ERC1: variants seen among roughly 807,000 people sequenced by gnomAD.
The protein encoded by ERC1 is RAB6 interacting protein 2.
ERC1 carries 56 observed loss-of-function variants against 132.0 expected under a neutral mutation model. The observed-to-expected ratio is 0.42, with a 90% CI of 0.34 to 0.53. ERC1 has a LOEUF of 0.53. Among genes scored for constraint, ERC1 ranks in the 20% least tolerant of loss-of-function variants. The pLI is 0.03. For synonymous variants in ERC1, 478 were observed against 476.1 expected (o/e 1.00, Z -0.05); for missense variants, 1,202 against 1,349.9 (o/e 0.89, Z 1.72).
rs76430341 is a variant in ERC1 at position 1,172,841 on chromosome 12, G to A, written c.1738-7699G>A. Reference sequence around the variant, plus strand: ...TTTATTGTCAGGTCCTCCTTGGTCCGTCTGTCTGTAAATAAACTAGCTTCC... The same window carrying A: ...TTTATTGTCAGGTCCTCCTTGGTCCATCTGTCTGTAAATAAACTAGCTTCC... On this transcript the variant is annotated intron_variant, in intron 8 of 18. Coordinates refer to ENST00000360905, the MANE Select transcript of ERC1 (RefSeq NM_178040.4). Among the ~76,000 whole-genome samples, 25 of 152,280 alleles carry A rather than the reference G, an allele frequency of 1.6e-4. No individual in the cohort carries two copies. The East Asian group carries it at 3.7e-3, about 22-fold the overall frequency.
chr12:1,319,114 G>T (rs2081955242), intron 15 of ERC1, among the ~76,000 whole-genome samples: 1 of 152,128 alleles, frequency 6.6e-6, no homozygotes, highest in African/African-American at 2.4e-5. Context: ...CTTCTGAACT[G>T]ATGCTTGCTT....
rs56749397 is a variant in ERC1 at position 1,440,600 on chromosome 12, T to TTG, written c.3025-3895_3025-3894dup. 8.9e-3 allele frequency among the ~76,000 whole-genome samples: 453 copies of TTG among 51,144 alleles called. 14 individuals carry two copies. Among genetic ancestry groups the TTG allele is most frequent in the East Asian group, 0.014 (22 of 1,526 alleles). The allele number at this position is 51,144 out of a possible 152,430, so 33.6% of individuals were successfully genotyped here. A position where few individuals can be genotyped will look rare whatever the true frequency, so the allele number is the denominator to read the frequency against. ...TAAGCAATCCCCCTGCCTCAGCCTT[T>TTG]TGTGTGTGTGTGTGTGTGTGTGTGT... On this transcript the variant is annotated intron_variant, in intron 17 of 18. Coordinates refer to ENST00000360905, the MANE Select transcript of ERC1 (RefSeq NM_178040.4).
chr12:1,271,692 C>T (rs1320166238), intron 14 of ERC1, among the ~76,000 whole-genome samples: 5 of 152,184 alleles, frequency 3.3e-5, no homozygotes, highest in African/African-American at 7.2e-5. Flanking sequence ...GCACTGTATG[C>T]GTGCACAATT....
intron 16 of ERC1, among the ~76,000 whole-genome samples, chr12:1,393,781 A>C (rs2090195367): frequency 6.6e-6 from 1 of 151,890 alleles, no homozygotes; most frequent in East Asian, 1.9e-4. Flanking sequence ...TAATCCCAGC[A>C]CTTTGGGAGG....
chr12:1,167,335 T>A (rs867813683), intron 8 of ERC1, among the ~76,000 whole-genome samples: 1 of 152,230 alleles, frequency 6.6e-6, no homozygotes, highest in African/African-American at 2.4e-5. Context: ...TAACTTGACA[T>A]AAATTCTCTT....
At chr12:1,333,777 G>A (rs7956798) in intron 15 of ERC1, among the ~76,000 whole-genome samples, 52,844 of 151,990 alleles carry the variant, frequency 0.35, 9,527 homozygotes, top group Middle Eastern at 0.4. Context: ...ACAATAATGG[G>A]ATTGCTGGGT....
chr12:1,393,573 AGT>A (rs2090163977), intron 16 of ERC1, among the ~76,000 whole-genome samples: 1 of 148,618 alleles, frequency 6.7e-6, no homozygotes, highest in Admixed American at 6.7e-5. Context: ...TGTGATCTAA[AGT>A]TCTTTTTTTT....
chr12:1,444,962 G>T, intron 18 of ERC1: 7 of 402,260 alleles, frequency 1.7e-5, no homozygotes, highest in South Asian at 1.9e-4. Flanking sequence ...GGTGGGGAGG[G>T]GTTTCCAGAT....
At chr12:1,274,875 G>A (rs1208789264) in intron 14 of ERC1, among the ~76,000 whole-genome samples, 1 of 152,178 alleles carries the variant, frequency 6.6e-6, no homozygotes, top group Non-Finnish European at 1.5e-5. Flanking sequence ...AAGAATGGCA[G>A]GTAGTTTACT....
At chr12:1,224,853 T>C (rs145430975) in intron 12 of ERC1, among the ~76,000 whole-genome samples, 141 of 152,016 alleles carry the variant, frequency 9.3e-4, no homozygotes, top group Non-Finnish European at 1.7e-3. Flanking sequence ...TAGCCAGGCA[T>C]GGTGGCATAC....
At chr12:1,440,600 T>TTGTGTGTGTGTGTGTGTG (rs56749397) in intron 17 of ERC1, among the ~76,000 whole-genome samples, 8 of 51,160 alleles carry the variant, frequency 1.6e-4, no homozygotes, top group Admixed American at 9.7e-4. Context: ...CCTCAGCCTT[T>TTGTGTGTGTGTGTGTGTG]TGTGTGTGTG....
chr12:1,416,948 C>T (rs141461718), intron 17 of ERC1, among the ~76,000 whole-genome samples: 2 of 152,008 alleles, frequency 1.3e-5, no homozygotes, highest in East Asian at 3.8e-4. Flanking sequence ...TTTATCGTTC[C>T]CCTCCCTTCT....
intron 17 of ERC1, among the ~76,000 whole-genome samples, chr12:1,437,922 G>T (rs2092991608): frequency 6.6e-6 from 1 of 152,098 alleles, no homozygotes; most frequent in Non-Finnish European, 1.5e-5. Context: ...GTTTTCATAG[G>T]CACATTTACA....
intron 7 of ERC1, among the ~76,000 whole-genome samples, chr12:1,124,552 A>G (rs1403419646): frequency 6.6e-6 from 1 of 152,172 alleles, no homozygotes; most frequent in East Asian, 1.9e-4. Flanking sequence ...TAACATATTT[A>G]TCAGAAAATA....
chr12:1,462,523 A>C (rs971547707), intron 18 of ERC1, among the ~76,000 whole-genome samples: 3 of 152,230 alleles, frequency 2.0e-5, no homozygotes, highest in African/African-American at 7.2e-5. Flanking sequence ...ACTAATACAA[A>C]CAACTGAATC....
chr12:1,279,597 T>C (rs557463629), intron 14 of ERC1, among the ~76,000 whole-genome samples: 1 of 151,370 alleles, frequency 6.6e-6, no homozygotes, highest in East Asian at 1.9e-4. Flanking sequence ...CTTTGGCACA[T>C]CCAAAATTAA....
intron 7 of ERC1, among the ~76,000 whole-genome samples, chr12:1,134,173 T>C (rs1027410160): frequency 2.0e-5 from 3 of 152,172 alleles, no homozygotes; most frequent in African/African-American, 7.2e-5. Flanking sequence ...GCATTTATTC[T>C]AAAGCTAGTC....
At chr12:1,232,209 A>G (rs983697873) in intron 12 of ERC1, among the ~76,000 whole-genome samples, 3 of 152,068 alleles carry the variant, frequency 2.0e-5, no homozygotes, top group Admixed American at 6.5e-5. Context: ...TCCTTGTATT[A>G]TAGGTTGCTT....
At chr12:1,388,282 G>A (rs188638929) in intron 16 of ERC1, among the ~76,000 whole-genome samples, 254 of 150,744 alleles carry the variant, frequency 1.7e-3, no homozygotes, top group African/African-American at 5.9e-3. Context: ...CCCGGGAGGC[G>A]GAGCTTGCAG....
Sources: gnomAD v4.1 joint callset for allele counts (sites outside exome capture counted in the v4.1 genomes callset) on GRCh38, gnomAD v4.1.1 for gene constraint, MANE v1.5 for transcripts, NCBI Gene and HGNC (gene_info 2026-07-23, HGNC 2026-07-21) for gene names.